Variants in MAP3K7 observed in about 807,000 individuals in gnomAD.
MAP3K7 encodes the protein TGF-beta activated kinase 1.
A neutral mutation model predicts 84.8 loss-of-function variants in MAP3K7; 21 were observed. That is an observed-to-expected ratio of 0.25 (90% confidence interval 0.18 to 0.36). MAP3K7 has a LOEUF of 0.36. Ranked by LOEUF, MAP3K7 falls within the 10% of genes least tolerant of loss-of-function variation. The pLI is 1.00. For missense variants in MAP3K7, 503 were observed against 747.7 expected, an observed-to-expected ratio of 0.67 and a Z score of 3.82; for synonymous variants, 241 against 247.7, an observed-to-expected ratio of 0.97 and a Z score of 0.25.
intron 13 of MAP3K7, among the ~76,000 whole-genome samples, chr6:90,534,368 G>C (rs1282778729): frequency 2.0e-5 from 3 of 152,102 alleles, no homozygotes; most frequent in Non-Finnish European, 2.9e-5. Context: ...ATGCCAAGCT[G>C]AACATTAGGC....
At chr6:90,528,203 T>C (rs552177775) in intron 13 of MAP3K7, among the ~76,000 whole-genome samples, 204 of 152,042 alleles carry the variant, frequency 1.3e-3, no homozygotes, top group Non-Finnish European at 2.1e-3. Context: ...AAAAAGCACC[T>C]TTTTTTTCTT....
intron 13 of MAP3K7, among the ~76,000 whole-genome samples, chr6:90,528,557 G>A (rs1350055412): frequency 6.6e-6 from 1 of 152,168 alleles, no homozygotes; most frequent in Non-Finnish European, 1.5e-5. Context: ...ATGGATTCAG[G>A]ATAATAAACA....
At position 90,557,961 on chromosome 6, in the gene MAP3K7, C is replaced by G. The variant is rs113637418; in HGVS notation, c.483-1337G>C. 2.2e-3 allele frequency among the ~76,000 whole-genome samples: 334 copies of G among 152,320 alleles called. 1 individual carries two copies. The highest frequency in any genetic ancestry group is 7.5e-3 in the African/African-American group (313 of 41,572). On this transcript the variant is annotated intron_variant, in intron 5 of 16. Coordinates refer to ENST00000369329, the MANE Select transcript of MAP3K7 (RefSeq NM_145331.3). ...ACCTCCCTAGATCATCAGGTACCTT[C>G]TTTAGATACCATTTTGAGGAACTCT... is the stretch of plus-strand genomic sequence containing the variant.
chr6:90,545,853 T>C (rs1307976417), intron 11 of MAP3K7, among the ~76,000 whole-genome samples: 1 of 152,168 alleles, frequency 6.6e-6, no homozygotes, highest in Non-Finnish European at 1.5e-5. Context: ...CTTTGACCAA[T>C]GATGTGTGGA....
At chr6:90,519,743 C>T (rs563788471) in intron 14 of MAP3K7, among the ~76,000 whole-genome samples, 1 of 151,974 alleles carries the variant, frequency 6.6e-6, no homozygotes. Flanking sequence ...ATCAATGTTC[C>T]TTAACAGGGA....
chr6:90,527,462 C>T (rs184939857), intron 13 of MAP3K7, among the ~76,000 whole-genome samples: 2 of 152,048 alleles, frequency 1.3e-5, no homozygotes, highest in East Asian at 1.9e-4. Flanking sequence ...GACGGGGTCT[C>T]GCCCGTGTTG....
At chr6:90,556,682 A>C in intron 5 of MAP3K7, 58 bp from the exon 6 acceptor site, 1 of 1,503,464 alleles carries the variant, frequency 6.7e-7, no homozygotes, top group Non-Finnish European at 8.9e-7. Flanking sequence ...TTATTCTACA[A>C]TAAAAGAAGA....
chr6:90,576,872 G>T (rs546819421), intron 1 of MAP3K7, among the ~76,000 whole-genome samples: 2 of 152,170 alleles, frequency 1.3e-5, no homozygotes, highest in South Asian at 4.1e-4. Flanking sequence ...GTAAGGTAAG[G>T]CTGGAGGGAC....
intron 1 of MAP3K7, among the ~76,000 whole-genome samples, chr6:90,576,010 GA>G (rs1174636729): frequency 1.3e-5 from 2 of 151,894 alleles, no homozygotes; most frequent in African/African-American, 2.4e-5. Context: ...AGATGAGTAA[GA>G]AAAAAATCAG....
intron 12 of MAP3K7, among the ~76,000 whole-genome samples, chr6:90,544,287 T>C (rs1351615825): frequency 6.6e-6 from 1 of 152,088 alleles, no homozygotes; most frequent in East Asian, 1.9e-4. Context: ...AGAGAGGAAG[T>C]TGGTAGAATT....
rs749837533 is a variant in MAP3K7, at chr6:90,586,902, G to C, written c.-19C>G. 1.9e-6 allele frequency: 3 copies of C among 1,599,152 alleles called. No homozygotes were observed. The highest frequency in any genetic ancestry group is 2.6e-6 in the Non-Finnish European group (3 of 1,175,098). The stretch of plus-strand genomic sequence containing the variant: ...TAGACATGATCCCTCGCGGCGCCCG[G>C]TGGGGCCGGGAACGGTGCCACCCGG... On this transcript the variant is annotated 5_prime_UTR_variant, in exon 1 of 17. Transcript: ENST00000369329.
intron 13 of MAP3K7, 66 bp from the exon 14 acceptor site, chr6:90,523,849 T>C: frequency 2.1e-6 from 2 of 970,616 alleles, no homozygotes; most frequent in South Asian, 1.3e-5. Context: ...ACGAGAACGT[T>C]TCCATTAAAA....
intron 13 of MAP3K7, among the ~76,000 whole-genome samples, chr6:90,531,388 AATG>A (rs1200712559): frequency 6.6e-6 from 1 of 152,320 alleles, no homozygotes; most frequent in South Asian, 2.1e-4. Flanking sequence ...ACAGAGATTA[AATG>A]ATGACTTCTA....
At chr6:90,541,155 T>A (rs931702062) in intron 12 of MAP3K7, among the ~76,000 whole-genome samples, 7 of 152,030 alleles carry the variant, frequency 4.6e-5, no homozygotes, top group Non-Finnish European at 7.4e-5. Flanking sequence ...CTGCTACCTA[T>A]TCCCTTTTCT....
At chr6:90,542,986 C>A (rs1775899793) in intron 12 of MAP3K7, among the ~76,000 whole-genome samples, 1 of 152,046 alleles carries the variant, frequency 6.6e-6, no homozygotes, top group East Asian at 1.9e-4. Context: ...GTGGGCTACG[C>A]TGCCATATAT....
At chr6:90,535,174 G>C (rs2127964082) in intron 13 of MAP3K7, among the ~76,000 whole-genome samples, 1 of 152,066 alleles carries the variant, frequency 6.6e-6, no homozygotes, top group South Asian at 2.1e-4. Context: ...GAAGATCAAG[G>C]ATATTCACCA....
At chr6:90,556,117 C>T (rs942212466) in intron 6 of MAP3K7, among the ~76,000 whole-genome samples, 1 of 152,224 alleles carries the variant, frequency 6.6e-6, no homozygotes, top group African/African-American at 2.4e-5. Flanking sequence ...TGGAAGCATG[C>T]GTTAGATGAC....
In MAP3K7 at chr6:90,556,471, T is replaced by C. The variant is rs368491983; in HGVS notation, c.607+29A>G. 4.4e-5 allele frequency: 71 copies of C among 1,602,806 alleles called. 1 individual carries two copies. The highest frequency in any genetic ancestry group is 5.9e-5 in the Non-Finnish European group (69 of 1,176,366). The stretch of plus-strand genomic sequence containing the variant: ...AATTCACAAGGAGTGAGGGAGATTA[T>C]CAAACATACCATACTTTTGCCATTT... On this transcript the variant is annotated intron_variant, in intron 6 of 16. Coordinates refer to ENST00000369329, the MANE Select transcript of MAP3K7 (RefSeq NM_145331.3).
chr6:90,536,523 G>T, intron 12 of MAP3K7, 122 bp from the exon 13 acceptor site: 3 of 603,418 alleles, frequency 5.0e-6, no homozygotes, highest in Non-Finnish European at 5.7e-6. Context: ...TGTTTGTGGG[G>T]AAAAAAAAGT....
Sources: allele counts gnomAD v4.1 joint callset (sites outside exome capture counted in the v4.1 genomes callset), GRCh38; gene constraint gnomAD v4.1.1; transcripts MANE v1.5; gene names NCBI Gene and HGNC (gene_info 2026-07-23, HGNC 2026-07-21).